Variants in CCDC141 observed in about 807,000 individuals in gnomAD.
The protein encoded by CCDC141 is coiled-coil domain containing 141, also known as coiled-coil domain-containing protein 141.
CCDC141 carries 168 observed loss-of-function variants against 181.0 expected under a neutral mutation model. The observed-to-expected ratio is 0.93, with a 90% CI of 0.82 to 1.05. The LOEUF is 1.05. Among genes scored for constraint, CCDC141 ranks in the 50% least tolerant of loss-of-function variants. The pLI is 0.00. For missense variants in CCDC141, 1,902 were observed against 1,788.5 expected, an observed-to-expected ratio of 1.06 and a Z score of -1.14; for synonymous variants, 666 against 642.3, an observed-to-expected ratio of 1.04 and a Z score of -0.56.
At chr2:179,005,435 G>A (rs964203248) in intron 2 of CCDC141, among the ~76,000 whole-genome samples, 1 of 152,152 alleles carries the variant, frequency 6.6e-6, no homozygotes, top group Non-Finnish European at 1.5e-5. Context: ...ATTCAAAGAT[G>A]AGATGCATTT....
intron 1 of CCDC141, among the ~76,000 whole-genome samples, 162 bp downstream of exon 1, chr2:179,049,678 T>C (rs1484956977): frequency 6.6e-6 from 1 of 151,968 alleles, no homozygotes; most frequent in Non-Finnish European, 1.5e-5. Flanking sequence ...CTGAAACTTG[T>C]AGAGGTTTCT....
rs543791082 is a variant in CCDC141, at chr2:178,938,525, T to G, written c.897+6010A>C. ...GTTTTATGTCCAATTATGCGGTCAA[T>G]TTTAGAGTATGTGCCATGTGGTGAT... is the stretch of plus-strand genomic sequence containing the variant. On this transcript the variant is annotated intron_variant, in intron 6 of 23. Coordinates refer to ENST00000443758, the MANE Select transcript of CCDC141 (RefSeq NM_173648.4). Among the ~76,000 whole-genome samples the G allele has an allele frequency of 7.9e-5, 12 of 152,236 alleles. No individual in the cohort carries two copies. In the East Asian group the frequency reaches 2.3e-3, roughly 29 times the overall value.
At chr2:178,909,989 G>A (rs145153628) in intron 7 of CCDC141, among the ~76,000 whole-genome samples, 7 of 152,254 alleles carry the variant, frequency 4.6e-5, no homozygotes, top group African/African-American at 1.7e-4. Context: ...CATTTTATAT[G>A]TACTATTCAG....
chr2:178,946,475 T>C (rs1321666511), intron 5 of CCDC141, among the ~76,000 whole-genome samples: 1 of 152,212 alleles, frequency 6.6e-6, no homozygotes, highest in Non-Finnish European at 1.5e-5. Context: ...TAATTTATCT[T>C]ATTAAACAAA....
In CCDC141 at chr2:178,835,437, T is replaced by C. The variant is rs531041102; in HGVS notation, c.4326-997A>G. On this transcript the variant is annotated intron_variant, in intron 23 of 23. Transcript: ENST00000443758. ...TTTATAAAGAAATAATTTTATTTTG[T>C]ATGTCTGAGATTCTTGTTTATTTAT... Among the ~76,000 whole-genome samples the C allele has an allele frequency of 3.3e-5, 5 of 152,346 alleles. No homozygotes were observed. The East Asian group carries it at 7.7e-4, about 24-fold the overall frequency.
intron 6 of CCDC141, among the ~76,000 whole-genome samples, chr2:178,929,093 T>C (rs1462103917): frequency 2.6e-5 from 4 of 152,186 alleles, no homozygotes; most frequent in Non-Finnish European, 5.9e-5. Flanking sequence ...TCTTACTCTT[T>C]GGAGAACTCA....
Position 178,853,518 on chromosome 2 carries a change from T to C in CCDC141, c.3167A>G (p.Asn1056Ser). 6.2e-7 allele frequency: 1 copy of C among 1,614,166 alleles called. No individual in the cohort carries two copies. Residue 1056 changes from asparagine (N) to serine (S), a missense_variant, in exon 20 of 24, where the codon AAT becomes AGT. Asn to Ser is a conservative substitution (Grantham distance 46). Transcript: ENST00000443758. ...CGGCACTGAGGGTGCAATAAACTTATTAAACTGCTGGTGGAGAATTTTCAC... is the reference window on the plus strand; with the variant it reads ...CGGCACTGAGGGTGCAATAAACTTACTAAACTGCTGGTGGAGAATTTTCAC... Reference protein sequence around the residue: ...EAVKILHQQFNKFIAPSVPQQ... With the variant: ...EAVKILHQQFSKFIAPSVPQQ...
chr2:178,859,153 T>C (rs1305110129), intron 17 of CCDC141, among the ~76,000 whole-genome samples: 1 of 152,222 alleles, frequency 6.6e-6, no homozygotes, highest in Non-Finnish European at 1.5e-5. Flanking sequence ...CACTTTTCTC[T>C]TTTGGTTTCA....
rs146231973 is a variant in CCDC141 at position 178,856,260 on chromosome 2, C to A, written c.2862G>T (p.Met954Ile). 1.2e-5 allele frequency: 20 copies of A among 1,603,970 alleles called. No individual in the cohort carries two copies. The African/African-American group carries it at 1.3e-4, about 11-fold the overall frequency. The part of the protein sequence containing the change: ...IQQVDMYAEK[M>I]QALKRKMEKV... ...ACAAACCATACTTTCTTGTTACCTGCATTTTTTCAGCATACATATCAACTT... is the reference window on the plus strand; with the variant it reads ...ACAAACCATACTTTCTTGTTACCTGAATTTTTTCAGCATACATATCAACTT... Residue 954 changes from methionine (M) to isoleucine (I), a missense_variant, in exon 18 of 24, where the codon ATG becomes ATT. Coordinates refer to ENST00000443758, the MANE Select transcript of CCDC141 (RefSeq NM_173648.4).
intron 5 of CCDC141, among the ~76,000 whole-genome samples, chr2:178,958,976 A>G (rs1331313827): frequency 6.6e-6 from 1 of 151,990 alleles, no homozygotes; most frequent in Non-Finnish European, 1.5e-5. Flanking sequence ...ATAAAGCAAG[A>G]GGAGTTTTTA....
intron 6 of CCDC141, among the ~76,000 whole-genome samples, chr2:178,940,611 G>C (rs145789780): frequency 1.4e-3 from 211 of 152,188 alleles, no homozygotes; most frequent in African/African-American, 4.6e-3. Context: ...GATATTGGGT[G>C]GATAGATAGA....
chr2:179,002,638 C>G, intron 2 of CCDC141: 1 of 233,762 alleles, frequency 4.3e-6, no homozygotes, highest in Non-Finnish European at 8.4e-6. Flanking sequence ...TCTGCAGAAA[C>G]AGTATACTAT....
Position 178,977,113 on chromosome 2 carries a change from A to G in CCDC141, c.417+1371T>C, listed in dbSNP as rs190253739. ...AGTGATCCACAAAATTGGAAACAGGATAATACAAAAAATAATTAGTCTTTT... is the reference window on the plus strand; with the variant it reads ...AGTGATCCACAAAATTGGAAACAGGGTAATACAAAAAATAATTAGTCTTTT... On this transcript the variant is annotated intron_variant, in intron 3 of 23. Coordinates refer to ENST00000443758, the MANE Select transcript of CCDC141 (RefSeq NM_173648.4). Among the ~76,000 whole-genome samples, 5 of 152,298 alleles carry G rather than the reference A, an allele frequency of 3.3e-5. No individual in the cohort carries two copies. In the East Asian group the frequency reaches 7.7e-4, roughly 23 times the overall value.
At chr2:178,848,769 G>A (rs367912030) in intron 21 of CCDC141, among the ~76,000 whole-genome samples, 1 of 152,120 alleles carries the variant, frequency 6.6e-6, no homozygotes, top group South Asian at 2.1e-4. Flanking sequence ...GCAGCTCCTC[G>A]GTGGTGGGGT....
intron 2 of CCDC141, among the ~76,000 whole-genome samples, chr2:179,023,989 G>A (rs2042760421): frequency 6.6e-6 from 1 of 152,228 alleles, no homozygotes; most frequent in Admixed American, 6.5e-5. Flanking sequence ...GACATTGGTT[G>A]AGAAACTCGG....
At chr2:178,865,707 A>G in intron 17 of CCDC141, 60 bp downstream of exon 17, 5 of 1,384,378 alleles carry the variant, frequency 3.6e-6, no homozygotes, top group Non-Finnish European at 4.7e-6. Context: ...ATTTAGACAC[A>G]TGCTTTAGGT....
chr2:178,915,451 T>C (rs1477189669), intron 7 of CCDC141, among the ~76,000 whole-genome samples: 3 of 152,224 alleles, frequency 2.0e-5, no homozygotes, highest in East Asian at 1.9e-4. Context: ...ATATTGCCCA[T>C]TACACTAACA....
In CCDC141 at chr2:178,853,480, T is replaced by C; in HGVS notation, c.3205A>G (p.Arg1069Gly). 6.2e-7 allele frequency: 1 copy of C among 1,614,122 alleles called. No individual in the cohort carries two copies. The highest frequency in any genetic ancestry group is 8.5e-7 in the Non-Finnish European group (1 of 1,179,984). The change falls in exon 20 of 24, where the codon AGG (arginine) becomes GGG (glycine). Residue 1069 changes from arginine to glycine, a missense_variant. Coordinates refer to ENST00000443758, the MANE Select transcript of CCDC141 (RefSeq NM_173648.4). ...GCAAGGTCAGTGGCCTCCTGAATCC[T>C]TTCTTCTTGCTGCGGCACTGAGGGT... The part of the protein sequence containing the change: ...IAPSVPQQEE[R>G]IQEATDLAQH...
At chr2:178,965,550 G>C (rs1210247584) in intron 4 of CCDC141, among the ~76,000 whole-genome samples, 1 of 152,124 alleles carries the variant, frequency 6.6e-6, no homozygotes, top group Non-Finnish European at 1.5e-5. Context: ...CTACCCAAGG[G>C]AAGCCGTGAG....
Sources: gnomAD v4.1 joint callset for allele counts (sites outside exome capture counted in the v4.1 genomes callset) on GRCh38, gnomAD v4.1.1 for gene constraint, MANE v1.5 for transcripts, NCBI Gene and HGNC (gene_info 2026-07-23, HGNC 2026-07-21) for gene names.